ECPAS: variants seen among roughly 807,000 people sequenced by gnomAD.
ECPAS encodes Ecm29 proteasome adaptor and scaffold.
Under a neutral mutation model 255.1 loss-of-function variants are expected in ECPAS, and 70 were observed. That is an observed-to-expected ratio of 0.27 (90% CI 0.23 to 0.33). The LOEUF (loss-of-function observed/expected upper bound fraction) is 0.33, where lower values mean the gene tolerates loss of function less well. Ranked by LOEUF, ECPAS falls within the 10% of genes least tolerant of loss-of-function variation. The probability of loss-of-function intolerance (pLI) is 1.00; values close to 1 mark genes in which losing one functional copy is unlikely to be tolerated. For synonymous variants in ECPAS, 784 were observed against 775.0 expected, an observed-to-expected ratio of 1.01 and a Z score of -0.19; for missense variants, 1,817 against 2,206.4, an observed-to-expected ratio of 0.82 and a Z score of 3.54.
intron 2 of ECPAS, among the ~76,000 whole-genome samples, chr9:111,465,148 AAATT>A (rs1454671281): frequency 1.2e-4 from 18 of 152,170 alleles, no homozygotes; most frequent in East Asian, 3.9e-4. Context: ...CAAAATAAAT[AAATT>A]AATTAATTAA....
chr9:111,398,936 CA>C (rs967283558), intron 24 of ECPAS, among the ~76,000 whole-genome samples: 43 of 137,318 alleles, frequency 3.1e-4, no homozygotes, highest in Admixed American at 2.9e-4. Flanking sequence ...GACTCCGTCT[CA>C]AAAAAAAAAA....
Position 111,385,424 on chromosome 9 carries a change from A to C in ECPAS, c.3546T>G (p.Asp1182Glu). 6.4e-7 allele frequency: 1 copy of C among 1,567,052 alleles called. No individual in the cohort carries two copies. Among genetic ancestry groups the C allele is most frequent in the Non-Finnish European group, 8.7e-7 (1 of 1,153,728 alleles). ...CATCTAAGGGTCTTCCTCTCAATAA[A>C]TCATTCAAAGCTAAACAGCTGAAAA... Reference protein sequence around the residue: ...VRESSCLALNDLLRGRPLDDI... With the variant: ...VRESSCLALNELLRGRPLDDI... The change falls in exon 33 of 50, where the codon GAT becomes GAG. Residue 1182 changes from aspartate (D) to glutamate (E), a missense_variant. Coordinates refer to ENST00000684092, the MANE Select transcript of ECPAS (RefSeq NM_001364929.1).
intron 12 of ECPAS, among the ~76,000 whole-genome samples, 182 bp downstream of exon 12, chr9:111,425,235 AT>A (rs2098219778): frequency 6.6e-6 from 1 of 152,004 alleles, no homozygotes; most frequent in Non-Finnish European, 1.5e-5. Flanking sequence ...TTTAACAGTT[AT>A]TTCCCCCCAA....
At chr9:111,368,557 T>G (rs1029870932) in intron 46 of ECPAS, among the ~76,000 whole-genome samples, 1 of 152,178 alleles carries the variant, frequency 6.6e-6, no homozygotes. Context: ...TTTGACTGTA[T>G]TATTATTAAA....
chr9:111,364,517 T>C (rs531530942), intron 48 of ECPAS, among the ~76,000 whole-genome samples: 38 of 152,180 alleles, frequency 2.5e-4, no homozygotes, highest in Non-Finnish European at 4.9e-4. Context: ...GAATTCCAAC[T>C]ATCAAATGGT....
At position 111,361,792 on chromosome 9, in the gene ECPAS, A is replaced by T. The variant is rs74357673; in HGVS notation, c.*238T>A. 540 of 350,238 alleles carry T rather than the reference A, an allele frequency of 1.5e-3. 7 individuals carry two copies. The East Asian group carries it at 0.025, about 16-fold the overall frequency. The allele number at this position is 350,238 out of a possible 1,614,324, so 21.7% of individuals were successfully genotyped here. ...GTAACTATTTCTGCCAGTTTCCTTT[A>T]CAACCACCCCTCAAACATCCAAGGT... On this transcript the variant is annotated 3_prime_UTR_variant, in exon 50 of 50. Transcript: ENST00000684092.
chr9:111,439,323 C>T (rs1000091566), intron 6 of ECPAS, among the ~76,000 whole-genome samples: 1 of 151,922 alleles, frequency 6.6e-6, no homozygotes, highest in Non-Finnish European at 1.5e-5. Flanking sequence ...GGTTGGAGTG[C>T]AGTGGCATGA....
At chr9:111,364,012 G>A (rs544882526) in intron 48 of ECPAS, among the ~76,000 whole-genome samples, 4 of 152,258 alleles carry the variant, frequency 2.6e-5, no homozygotes, top group African/African-American at 9.6e-5. Flanking sequence ...AGGTCTACAT[G>A]ACCCTCCTCA....
At chr9:111,383,473 G>T in intron 34 of ECPAS, 141 bp from the exon 35 acceptor site, 1 of 1,177,730 alleles carries the variant, frequency 8.5e-7, no homozygotes, top group Non-Finnish European at 1.2e-6. Context: ...GAGACACAGA[G>T]GAATGAGATC....
rs144487536 is a variant in ECPAS at position 111,471,817 on chromosome 9, A to T, written c.22+1080T>A. 1.4e-4 allele frequency among the ~76,000 whole-genome samples: 22 copies of T among 152,334 alleles called. No individual in the cohort carries two copies. The East Asian group carries it at 4.2e-3, about 29-fold the overall frequency. ...TCATACCTCTTCTCACAAATAGAAC[A>T]ACTGGCTGGGCATGGTGGCTCACAC... On this transcript the variant is annotated intron_variant, in intron 2 of 49. Coordinates refer to ENST00000684092, the MANE Select transcript of ECPAS (RefSeq NM_001364929.1).
chr9:111,392,731 T>C, intron 28 of ECPAS, 37 bp downstream of exon 28: 1 of 1,400,392 alleles, frequency 7.1e-7, no homozygotes, highest in Non-Finnish European at 1.0e-6. Flanking sequence ...AGACTTCCTC[T>C]ATGGGCTTGA....
chr9:111,427,685 T>C (rs978550516), intron 10 of ECPAS, among the ~76,000 whole-genome samples: 2 of 152,234 alleles, frequency 1.3e-5, no homozygotes, highest in Non-Finnish European at 2.9e-5. Context: ...AGGTAATTTA[T>C]ACAATATTTT....
intron 2 of ECPAS, among the ~76,000 whole-genome samples, chr9:111,461,120 T>C (rs1052837588): frequency 3.3e-5 from 5 of 152,008 alleles, no homozygotes; most frequent in Admixed American, 2.0e-4. Flanking sequence ...GCCAAAACTA[T>C]CTTGAAGAGG....
At chr9:111,407,850 A>G (rs12350676) in intron 24 of ECPAS, among the ~76,000 whole-genome samples, 62,274 of 152,032 alleles carry the variant, frequency 0.41, 13,287 homozygotes, top group Non-Finnish European at 0.48. Flanking sequence ...GTTTTACAAC[A>G]GTAAGCAAAA....
chr9:111,399,103 T>G (rs2098171747), intron 24 of ECPAS, among the ~76,000 whole-genome samples: 1 of 152,322 alleles, frequency 6.6e-6, no homozygotes, highest in East Asian at 1.9e-4. Context: ...TTCTCCATGA[T>G]GTGATTATTA....
chr9:111,446,090 G>C (rs2098252561), intron 3 of ECPAS, among the ~76,000 whole-genome samples: 1 of 152,114 alleles, frequency 6.6e-6, no homozygotes, highest in South Asian at 2.1e-4. Context: ...ATGGACATTT[G>C]GGTTGGTTCC....
intron 2 of ECPAS, among the ~76,000 whole-genome samples, chr9:111,462,245 A>C (rs1401435628): frequency 6.6e-6 from 1 of 152,238 alleles, no homozygotes; most frequent in Non-Finnish European, 1.5e-5. Flanking sequence ...TGATTAGCAG[A>C]ATCTGTCCCA....
At chr9:111,382,173 G>C (rs1332039412) in intron 35 of ECPAS, among the ~76,000 whole-genome samples, 1 of 150,600 alleles carries the variant, frequency 6.6e-6, no homozygotes, top group African/African-American at 2.4e-5. Context: ...TCATTATAAA[G>C]TTCTCTTCAG....
Position 111,366,526 on chromosome 9 carries a change from GA to G in ECPAS, c.5214del (p.Gln1739ArgfsTer3). On this transcript the variant is annotated frameshift_variant, in exon 47 of 50. Transcript: ENST00000684092. LOFTEE classifies it high-confidence loss of function. Reference sequence around the variant, plus strand: ...CTGAGCCATGAAGCAATTTACCCCTGAAAAAAGGCATTCATTGATTGCAGGA... The same window carrying G: ...CTGAGCCATGAAGCAATTTACCCCTGAAAAAGGCATTCATTGATTGCAGGA... ...LGVLQSMNAF[F>X]QGLMLLEEEH... The G allele has an allele frequency of 6.2e-7, 1 of 1,609,790 alleles. No homozygotes were observed. Among genetic ancestry groups the G allele is most frequent in the Non-Finnish European group, 8.5e-7 (1 of 1,176,422 alleles).
Sources: allele counts gnomAD v4.1 joint callset (sites outside exome capture counted in the v4.1 genomes callset), GRCh38; gene constraint gnomAD v4.1.1; transcripts MANE v1.5; gene names NCBI Gene and HGNC (gene_info 2026-07-23, HGNC 2026-07-21).